The following TUBGCP3 variants were observed in gnomAD, a reference collection of about 807,000 sequenced individuals.
TUBGCP3 encodes the protein gamma-tubulin complex component 3.
In TUBGCP3, 50 loss-of-function variants were observed where a neutral mutation model predicts 123.1. The observed-to-expected ratio is 0.41, with a 90% CI of 0.32 to 0.51. TUBGCP3 has a LOEUF of 0.51. Among genes scored for constraint, TUBGCP3 ranks in the 20% least tolerant of loss-of-function variants. TUBGCP3 has a pLI of 0.36. For missense variants in TUBGCP3, 882 were observed against 1,127.0 expected, an observed-to-expected ratio of 0.78 and a Z score of 3.11; for synonymous variants, 405 against 413.9, an observed-to-expected ratio of 0.98 and a Z score of 0.26.
At chr13:112,552,962 A>G (rs1269419544) in intron 8 of TUBGCP3, among the ~76,000 whole-genome samples, 4 of 151,426 alleles carry the variant, frequency 2.6e-5, no homozygotes, top group Admixed American at 6.6e-5. Flanking sequence ...CTCACCAGCC[A>G]CACTGCCACA....
chr13:112,519,688 C>A lies in TUBGCP3; in HGVS notation c.1881+198G>T, dbSNP rs1221257515. The stretch of plus-strand genomic sequence containing the variant: ...GCTGCAAGATGGGCAAACGGAAACC[C>A]AGATGGTGGAGAGGGAGCAGATGTG... On this transcript the variant is annotated intron_variant, in intron 15 of 21. Coordinates refer to ENST00000261965, the MANE Select transcript of TUBGCP3 (RefSeq NM_006322.6). This position sits in a 1 kb window ranked among gnomAD's most constrained non-coding sequence, Gnocchi z 6.2. 6.6e-6 allele frequency among the ~76,000 whole-genome samples: 1 copy of A among 152,202 alleles called. No homozygotes were observed. The highest frequency in any genetic ancestry group is 1.9e-4 in the East Asian group (1 of 5,200).
intron 3 of TUBGCP3, among the ~76,000 whole-genome samples, chr13:112,561,599 GAAGA>G (rs968997694): frequency 2.7e-4 from 41 of 152,294 alleles, no homozygotes; most frequent in African/African-American, 9.6e-4. Context: ...AGAGAAGACA[GAAGA>G]AAGAGCAGGC....
chr13:112,552,484 C>T lies in TUBGCP3; in HGVS notation c.966+1573G>A, dbSNP rs1030030086. Among the ~76,000 whole-genome samples the T allele has an allele frequency of 2.8e-4, 42 of 152,230 alleles. 2 individuals carry two copies. Among genetic ancestry groups the T allele is most frequent in the Non-Finnish European group, 4.4e-5 (3 of 68,040 alleles). On this transcript the variant is annotated intron_variant, in intron 8 of 21. Coordinates refer to ENST00000261965, the MANE Select transcript of TUBGCP3 (RefSeq NM_006322.6). ...ATGAGGGAGAGTGGTGGCTGGTCATCGAGCAATTCACTAGACTGGCAAACA... is the reference window on the plus strand; with the variant it reads ...ATGAGGGAGAGTGGTGGCTGGTCATTGAGCAATTCACTAGACTGGCAAACA...
Position 112,558,432 on chromosome 13 carries a change from T to C in TUBGCP3, c.331-19A>G, listed in dbSNP as rs1195970122. ...TAGAAACCTGAAAAGAGAAACACAC[T>C]AAGAGCAGAGACAGGAAATTACAGA... On this transcript the variant is annotated intron_variant, in intron 4 of 21. Coordinates refer to ENST00000261965, the MANE Select transcript of TUBGCP3 (RefSeq NM_006322.6). 2.0e-6 allele frequency: 3 copies of C among 1,514,888 alleles called. No individual in the cohort carries two copies. Among genetic ancestry groups the C allele is most frequent in the East Asian group, 4.6e-5 (2 of 43,478 alleles). 93.8% of individuals were successfully genotyped at this position (1,514,888 alleles called of 1,614,324 possible).
chr13:112,581,167 T>C (rs979900293), intron 1 of TUBGCP3, among the ~76,000 whole-genome samples: 1 of 151,910 alleles, frequency 6.6e-6, no homozygotes, highest in Non-Finnish European at 1.5e-5. Flanking sequence ...AGCTCTCTCT[T>C]CTCCACATCC....
chr13:112,540,880 T>A (rs1878466062), intron 11 of TUBGCP3, among the ~76,000 whole-genome samples: 2 of 152,246 alleles, frequency 1.3e-5, no homozygotes, highest in South Asian at 4.1e-4. Context: ...TAATTTGAGA[T>A]GCTGATTTGA....
chr13:112,527,240 T>C, intron 12 of TUBGCP3, 134 bp downstream of exon 12: 1 of 744,884 alleles, frequency 1.3e-6, no homozygotes, highest in Non-Finnish European at 2.2e-6. Flanking sequence ...TCAATTAACA[T>C]GCACTTACTT....
chr13:112,550,878 C>G (rs1879511602), intron 8 of TUBGCP3, among the ~76,000 whole-genome samples: 1 of 152,180 alleles, frequency 6.6e-6, no homozygotes, highest in African/African-American at 2.4e-5. Flanking sequence ...GCGGGCAGAT[C>G]ATGAGGTCAG....
intron 3 of TUBGCP3, among the ~76,000 whole-genome samples, chr13:112,561,883 C>T (rs571304139): frequency 2.0e-5 from 3 of 152,130 alleles, no homozygotes; most frequent in Middle Eastern, 3.2e-3. Flanking sequence ...AAATTATGCA[C>T]CAAAAACTTA....
At chr13:112,513,275 G>T (rs1472231960) in intron 17 of TUBGCP3, among the ~76,000 whole-genome samples, 1 of 152,164 alleles carries the variant, frequency 6.6e-6, no homozygotes, top group African/African-American at 2.4e-5. Context: ...AACCATTTTA[G>T]TATTAGCCGC....
At chr13:112,540,205 G>A (rs55777412) in intron 11 of TUBGCP3, among the ~76,000 whole-genome samples, 17 of 145,104 alleles carry the variant, frequency 1.2e-4, no homozygotes, top group African/African-American at 2.0e-4. Context: ...GAGTGATGAC[G>A]TCAATGTAGT....
rs1881202285 is a variant in TUBGCP3 at position 112,505,089 on chromosome 13, T to C, written c.2087-375A>G. 2.0e-5 allele frequency among the ~76,000 whole-genome samples: 3 copies of C among 152,336 alleles called. No individual in the cohort carries two copies. The South Asian group carries it at 6.2e-4, about 32-fold the overall frequency. On this transcript the variant is annotated intron_variant, in intron 17 of 21. Transcript: ENST00000261965. ...GTTTGCCTGCTGTGCATGAAACATT[T>C]ACTATTCCCTGGCTCTCTGGAGATA...
chr13:112,561,274 G>A (rs547714728), intron 3 of TUBGCP3, among the ~76,000 whole-genome samples: 1 of 152,168 alleles, frequency 6.6e-6, no homozygotes, highest in South Asian at 2.1e-4. Flanking sequence ...CCAGCAACAG[G>A]GGCCCGTGAG....
At chr13:112,495,520 T>C (rs74133621) in intron 20 of TUBGCP3, among the ~76,000 whole-genome samples, 240 of 152,342 alleles carry the variant, frequency 1.6e-3, no homozygotes, top group African/African-American at 5.5e-3. Flanking sequence ...GATCATATAA[T>C]TTTTCCCCTT....
chr13:112,594,984 A>T, the TUBGCP3 span, among the ~76,000 whole-genome samples: 1 of 152,046 alleles, frequency 6.6e-6, no homozygotes, highest in Non-Finnish European at 1.5e-5. Context: ...ATATCTTTTT[A>T]TATGTTTTGT....
chr13:112,576,062 C>G (rs150320092), intron 1 of TUBGCP3, among the ~76,000 whole-genome samples: 459 of 152,340 alleles, frequency 3.0e-3, no homozygotes, highest in African/African-American at 0.01. Context: ...CCTTTCATTA[C>G]TTAAATTAAA....
At chr13:112,580,233 T>G (rs1027276649) in intron 1 of TUBGCP3, among the ~76,000 whole-genome samples, 2 of 152,046 alleles carry the variant, frequency 1.3e-5, no homozygotes, top group African/African-American at 4.8e-5. Flanking sequence ...ATGGGCTAAA[T>G]AGCAGAATGG....
the TUBGCP3 span, among the ~76,000 whole-genome samples, chr13:112,595,623 T>G: frequency 6.6e-6 from 1 of 152,346 alleles, no homozygotes; most frequent in South Asian, 2.1e-4. Context: ...TATCTGATAT[T>G]AATAGGACTG....
chr13:112,599,714 A>T, the TUBGCP3 span, among the ~76,000 whole-genome samples: 25,473 of 150,892 alleles, frequency 0.17, 3,350 homozygotes, highest in African/African-American at 0.36. Context: ...AGAGACGGGG[A>T]TTCGCTGTGT....
Sources: allele counts gnomAD v4.1 joint callset (sites outside exome capture counted in the v4.1 genomes callset), GRCh38; gene constraint gnomAD v4.1.1; non-coding constraint Gnocchi (gnomAD v3.1); transcripts MANE v1.5; gene names NCBI Gene and HGNC (gene_info 2026-07-23, HGNC 2026-07-21).